The following SRD5A3 variants were observed in gnomAD, a reference collection of about 807,000 sequenced individuals.
The protein encoded by SRD5A3 is polyprenal reductase.
In SRD5A3, 24 loss-of-function variants were observed where a neutral mutation model predicts 34.3. That is an observed-to-expected ratio of 0.70 (90% CI 0.51 to 0.99). The LOEUF (loss-of-function observed/expected upper bound fraction) is 0.99. Among genes scored for constraint, SRD5A3 ranks in the 50% least tolerant of loss-of-function variants. The pLI, the probability that SRD5A3 is intolerant of heterozygous loss-of-function variation, is 0.00. For synonymous variants in SRD5A3, 161 were observed against 167.3 expected (o/e 0.96, Z 0.29); for missense variants, 350 against 388.2 (o/e 0.90, Z 0.83).
intron 2 of SRD5A3, 128 bp downstream of exon 2, chr4:55,359,616 T>C: frequency 7.8e-7 from 1 of 1,274,558 alleles, no homozygotes; most frequent in Non-Finnish European, 1.1e-6. Context: ...AAGTGGAGGA[T>C]GAGGGCAAAA....
At chr4:55,357,365 T>C (rs1443494266) in intron 1 of SRD5A3, among the ~76,000 whole-genome samples, 1 of 152,238 alleles carries the variant, frequency 6.6e-6, no homozygotes, top group African/African-American at 2.4e-5. Context: ...CCAGAAATTG[T>C]CCTTCAGAAG....
chr4:55,359,287 G>T (rs1011899754), intron 1 of SRD5A3, 59 bp from the exon 2 acceptor site: 9 of 1,605,830 alleles, frequency 5.6e-6, no homozygotes, highest in African/African-American at 2.7e-5. Context: ...TAATCTTCCC[G>T]TATAAGAGCT....
intron 1 of SRD5A3, among the ~76,000 whole-genome samples, chr4:55,354,699 GTCTATTGTGTTTGATATTAT>G (rs1327407818): frequency 3.9e-5 from 6 of 152,162 alleles, no homozygotes; most frequent in Non-Finnish European, 7.3e-5. Context: ...GCCCCTCCCT[GTCTATTGTGTTTGATATTAT>G]AATTCTGCCA....
chr4:55,346,692 C>A, intron 1 of SRD5A3, 135 bp downstream of exon 1: 2 of 795,592 alleles, frequency 2.5e-6, no homozygotes, highest in Non-Finnish European at 3.6e-6. Flanking sequence ...CCGGGCGCAG[C>A]ACGGCGCTCC....
rs1336270278 is a variant in SRD5A3 at position 55,364,270 on chromosome 4, TG to T, written c.562+1del. On this transcript the variant is annotated frameshift_variant and splice_region_variant, in exon 3 of 5. Coordinates refer to ENST00000264228, the MANE Select transcript of SRD5A3 (RefSeq NM_024592.5). LOFTEE classifies it high-confidence loss of function. ...LSQVPMDGRN[A>X]YITGKNLLMQ... Reference sequence around the variant, plus strand: ...GCCAAGTGCCAATGGATGGCAGGAATGGTGAGTGGATCCAGCCCTGCCAGGA... The same window carrying T: ...GCCAAGTGCCAATGGATGGCAGGAATGTGAGTGGATCCAGCCCTGCCAGGA... 2 of 1,613,868 alleles carry T rather than the reference TG, an allele frequency of 1.2e-6. No individual in the cohort carries two copies. The highest frequency in any genetic ancestry group is 3.3e-5 in the Admixed American group (2 of 59,980).
chr4:55,353,717 C>T lies in SRD5A3; in HGVS notation c.222-5629C>T, dbSNP rs184406304. Among the ~76,000 whole-genome samples, 554 of 152,244 alleles carry T rather than the reference C, an allele frequency of 3.6e-3. 3 individuals are homozygous for T. The highest frequency in any genetic ancestry group is 0.012 in the African/African-American group (517 of 41,544). On this transcript the variant is annotated intron_variant, in intron 1 of 4. Transcript: ENST00000264228. The stretch of plus-strand genomic sequence containing the variant: ...CTGGAGGAACAAACAACTCTGGAGG[C>T]GCCACCTTTAAGAGCTGTAACACTC...
At chr4:55,352,560 A>G (rs1268755102) in intron 1 of SRD5A3, among the ~76,000 whole-genome samples, 2 of 152,212 alleles carry the variant, frequency 1.3e-5, no homozygotes, top group East Asian at 1.9e-4. Flanking sequence ...GTTTGCTACC[A>G]TATCCCTAGC....
Position 55,367,739 on chromosome 4 carries a change from A to C in SRD5A3, c.697+17A>C. On this transcript the variant is annotated intron_variant, in intron 4 of 4. Transcript: ENST00000264228. ...ATAAAGCAGGTGAGACCTCTTTTAG[A>C]GCCTCTGCATATGGATTTTAACCCT... The C allele has an allele frequency of 6.2e-7, 1 of 1,613,998 alleles. No individual in the cohort carries two copies. The highest frequency in any genetic ancestry group is 8.5e-7 in the Non-Finnish European group (1 of 1,179,972).
At chr4:55,351,994 T>G (rs1001850688) in intron 1 of SRD5A3, 12 of 762,420 alleles carry the variant, frequency 1.6e-5, no homozygotes, top group Non-Finnish European at 2.4e-5. Context: ...CTGCTTAGGT[T>G]CCTTTGTGTG....
rs1466215873 is a variant in SRD5A3, at chr4:55,364,134, G to A, written c.425G>A (p.Arg142Gln). The change falls in exon 3 of 5, where the codon CGA becomes CAA. Residue 142 changes from arginine to glutamine, a missense_variant. Arg to Gln is a conservative substitution (Grantham distance 43). Around this residue, in one of 3 missense-constraint regions of SRD5A3, gnomAD observed 186 missense variants for 221.4 expected, o/e 0.84. Transcript: ENST00000264228. The stretch of plus-strand genomic sequence containing the variant: ...GTATTTCTGTGGCTGCACAGCTTAC[G>A]AAGACTCTTCGAGTGCCTCTACGTC... ...VLVFLWLHSL[R>Q]RLFECLYVSV... The A allele has an allele frequency of 6.2e-7, 1 of 1,614,184 alleles. No homozygotes were observed. Among genetic ancestry groups the A allele is most frequent in the Non-Finnish European group, 8.5e-7 (1 of 1,180,046 alleles).
At chr4:55,358,438 C>T (rs1378570561) in intron 1 of SRD5A3, among the ~76,000 whole-genome samples, 4 of 147,050 alleles carry the variant, frequency 2.7e-5, no homozygotes, top group East Asian at 2.1e-4. Context: ...TGGAAAGCTG[C>T]GGTGCGAGGA....
At chr4:55,348,162 C>T (rs983640298) in intron 1 of SRD5A3, among the ~76,000 whole-genome samples, 3 of 152,114 alleles carry the variant, frequency 2.0e-5, no homozygotes, top group Admixed American at 6.5e-5. Flanking sequence ...CCTGTAATTT[C>T]TACTCTATTG....
intron 3 of SRD5A3, 66 bp downstream of exon 3, chr4:55,364,337 T>G (rs1224607602): frequency 1.9e-6 from 3 of 1,538,828 alleles, no homozygotes; most frequent in Admixed American, 3.4e-5. Flanking sequence ...TCGGGGCTTG[T>G]GCTGTGCTAA....
rs151267741 is a variant in SRD5A3 at position 55,364,157 on chromosome 4, G to A, written c.448G>A (p.Val150Ile). The change falls in exon 3 of 5, where the codon GTC (valine) becomes ATC (isoleucine). Residue 150 changes from valine (V) to isoleucine (I), a missense_variant. Val to Ile is a conservative substitution (Grantham distance 29, BLOSUM62 3). Coordinates refer to ENST00000264228, the MANE Select transcript of SRD5A3 (RefSeq NM_024592.5). ...ACGAAGACTCTTCGAGTGCCTCTAC[G>A]TCAGTGTCTTCTCCAATGTCATGAT... ...SLRRLFECLY[V>I]SVFSNVMIHV... The A allele has an allele frequency of 6.8e-5, 109 of 1,614,046 alleles. No homozygotes were observed. The highest frequency in any genetic ancestry group is 3.3e-4 in the Middle Eastern group (2 of 6,084).
At chr4:55,365,560 C>T (rs534648556) in intron 3 of SRD5A3, 3 of 152,346 alleles carry the variant, frequency 2.0e-5, no homozygotes, top group South Asian at 4.1e-4. Flanking sequence ...CTTTGCAGAG[C>T]GCTTGGTGAC....
chr4:55,358,242 A>G (rs1271466860), intron 1 of SRD5A3, among the ~76,000 whole-genome samples: 1 of 152,150 alleles, frequency 6.6e-6, no homozygotes, highest in Non-Finnish European at 1.5e-5. Flanking sequence ...AAAAGAACCT[A>G]TGAGGGGCTG....
In SRD5A3 at chr4:55,364,267, G is replaced by T. The variant is rs1399075323; in HGVS notation, c.558G>T (p.Arg186Ser). The change falls in exon 3 of 5, where the codon AGG becomes AGT. Residue 186 changes from arginine to serine, a missense_variant. Transcript: ENST00000264228. ...TGAGCCAAGTGCCAATGGATGGCAG[G>T]AATGGTGAGTGGATCCAGCCCTGCC... The part of the protein sequence containing the change: ...TVLSQVPMDG[R>S]NAYITGKNLL... 6.2e-7 allele frequency: 1 copy of T among 1,613,946 alleles called. No homozygotes were observed. Among genetic ancestry groups the T allele is most frequent in the East Asian group, 2.2e-5 (1 of 44,886 alleles).
chr4:55,365,970 C>T (rs1260423562), intron 3 of SRD5A3, among the ~76,000 whole-genome samples: 1 of 152,204 alleles, frequency 6.6e-6, no homozygotes, highest in Non-Finnish European at 1.5e-5. Flanking sequence ...CAGGGTTCTT[C>T]TTAAAGTGAA....
chr4:55,356,000 ATTTTTTTT>A lies in SRD5A3; in HGVS notation c.222-3327_222-3320del, dbSNP rs10648522. On this transcript the variant is annotated intron_variant, in intron 1 of 4. Coordinates refer to ENST00000264228, the MANE Select transcript of SRD5A3 (RefSeq NM_024592.5). ...ATGACCAATGCTTTCTTTTGCCTCCATTTTTTTTTTTTTTTTTTTTTTTTTTGATGCAA... is the reference window on the plus strand; with the variant it reads ...ATGACCAATGCTTTCTTTTGCCTCCATTTTTTTTTTTTTTTTTTGATGCAA... Among the ~76,000 whole-genome samples the A allele has an allele frequency of 1.2e-4, 9 of 74,264 alleles. 1 individual carries two copies. The highest frequency in any genetic ancestry group is 1.6e-4 in the Non-Finnish European group (7 of 43,028). The allele number at this position is 74,264 out of a possible 152,430, so 48.7% of individuals were successfully genotyped here. A position where few individuals can be genotyped will look rare whatever the true frequency, so the allele number is the denominator to read the frequency against.
Sources: allele counts gnomAD v4.1 joint callset (sites outside exome capture counted in the v4.1 genomes callset), GRCh38; gene constraint gnomAD v4.1.1; regional missense constraint gnomAD v4.1.1; transcripts MANE v1.5; gene names NCBI Gene and HGNC (gene_info 2026-07-23, HGNC 2026-07-21).